PDS5A: variants seen among roughly 807,000 people sequenced by gnomAD.
PDS5A encodes the protein PDS5 cohesin associated factor A, also known as sister chromatid cohesion protein PDS5 homolog A.
In PDS5A, 42 loss-of-function variants were observed where a neutral mutation model predicts 167.1. The observed-to-expected ratio is 0.25, with a 90% confidence interval of 0.20 to 0.33. The LOEUF is 0.33. Ranked by LOEUF, PDS5A falls within the 10% of genes least tolerant of loss-of-function variation. The pLI, the probability that PDS5A is intolerant of heterozygous loss-of-function variation, is 1.00. For missense variants in PDS5A, 1,033 were observed against 1,605.9 expected (o/e 0.64, Z 6.10); for synonymous variants, 553 against 554.6 (o/e 1.00, Z 0.04).
intron 32 of PDS5A, 94 bp from the exon 33 acceptor site, chr4:39,825,582 ATC>A: frequency 1.0e-6 from 1 of 987,574 alleles, no homozygotes; most frequent in Non-Finnish European, 1.5e-6. Context: ...GTTATCTAAA[ATC>A]TTTTTTTTTT....
At chr4:39,963,292 TTAAAA>T (rs1243723321) in intron 2 of PDS5A, among the ~76,000 whole-genome samples, 1 of 151,838 alleles carries the variant, frequency 6.6e-6, no homozygotes, top group Non-Finnish European at 1.5e-5. Flanking sequence ...TCCATCTGTA[TTAAAA>T]TAACAAAAAA....
At chr4:39,950,085 T>G (rs1728205092) in intron 2 of PDS5A, among the ~76,000 whole-genome samples, 2 of 151,920 alleles carry the variant, frequency 1.3e-5, no homozygotes, top group African/African-American at 2.4e-5. Flanking sequence ...TTCTATGTTT[T>G]TAGTAGAGAT....
chr4:39,867,731 AAAACACACACAC>A (rs1560439770), intron 22 of PDS5A, among the ~76,000 whole-genome samples: 2 of 67,376 alleles, frequency 3.0e-5, no homozygotes, highest in South Asian at 5.6e-4. Context: ...TAAAAAAACC[AAAACACACACAC>A]ACACACACAC....
intron 11 of PDS5A, among the ~76,000 whole-genome samples, chr4:39,906,404 G>C (rs1388178335): frequency 1.3e-5 from 2 of 151,896 alleles, no homozygotes; most frequent in Non-Finnish European, 2.9e-5. Context: ...CACCGTAAGT[G>C]AACTTCCTTA....
In PDS5A at chr4:39,922,736, A is replaced by G. The variant is rs1375460246; in HGVS notation, c.540T>C (p.Asn180=). The change falls in exon 6 of 33, where the codon AAT becomes AAC. Residue 180 remains asparagine (N), a synonymous_variant. Coordinates refer to ENST00000303538, the MANE Select transcript of PDS5A (RefSeq NM_001100399.2). The part of the protein sequence containing the change: ...TLFSVINNSH[N]KKVQMHMLDL... ...CTAGCATGTGCATTTGTACCTTCTTATTGTGGCTATTGCTATAAAAAAAAA... is the reference window on the plus strand; with the variant it reads ...CTAGCATGTGCATTTGTACCTTCTTGTTGTGGCTATTGCTATAAAAAAAAA... The G allele has an allele frequency of 6.8e-7, 1 of 1,464,636 alleles. No homozygotes were observed. The highest frequency in any genetic ancestry group is 1.4e-5 in the South Asian group (1 of 69,956). 90.7% of individuals were successfully genotyped at this position (1,464,636 alleles called of 1,614,324 possible).
chr4:39,953,559 T>G (rs1183861130), intron 2 of PDS5A, among the ~76,000 whole-genome samples: 1 of 151,856 alleles, frequency 6.6e-6, no homozygotes, highest in Non-Finnish European at 1.5e-5. Context: ...AGTGAGACCT[T>G]GTCTCTACTA....
At chr4:39,825,888 G>A (rs1036326881) in intron 32 of PDS5A, among the ~76,000 whole-genome samples, 1 of 152,110 alleles carries the variant, frequency 6.6e-6, no homozygotes, top group Non-Finnish European at 1.5e-5. Flanking sequence ...TTACAGGCAT[G>A]AGTCACTGTG....
intron 32 of PDS5A, among the ~76,000 whole-genome samples, chr4:39,834,223 C>A (rs1022971719): frequency 8.0e-5 from 12 of 150,086 alleles, no homozygotes; most frequent in Admixed American, 8.0e-4. Context: ...GTCAAAGTGG[C>A]CAAGTGGTCC....
At chr4:39,859,294 A>G (rs933544075) in intron 26 of PDS5A, among the ~76,000 whole-genome samples, 2 of 152,132 alleles carry the variant, frequency 1.3e-5, no homozygotes, top group African/African-American at 4.8e-5. Flanking sequence ...CAAACAAACA[A>G]AAAAAACCAG....
intron 21 of PDS5A, among the ~76,000 whole-genome samples, chr4:39,871,442 C>T (rs780050127): frequency 5.3e-5 from 8 of 152,128 alleles, no homozygotes; most frequent in Non-Finnish European, 1.2e-4. Context: ...ACTTAGGCCA[C>T]GTTCTTCTCT....
rs777934381 is a variant in PDS5A, at chr4:39,920,408, T to C, written c.655-9A>G. 26 of 1,315,896 alleles carry C rather than the reference T, an allele frequency of 2.0e-5. No individual in the cohort carries two copies. In the South Asian group the frequency reaches 3.1e-4, roughly 16 times the overall value. The allele number at this position is 1,315,896 out of a possible 1,614,324, so 81.5% of individuals were successfully genotyped here. A position where few individuals can be genotyped will look rare whatever the true frequency, so the allele number is the denominator to read the frequency against. On this transcript the variant is annotated splice_polypyrimidine_tract_variant and intron_variant, in intron 6 of 32. Transcript: ENST00000303538. ...GACTGTTTATTTAAGTTCTGAAAAA[T>C]AATAAAAACATGGAAAGTTACAAAT...
intron 9 of PDS5A, 37 bp from the exon 10 acceptor site, chr4:39,910,375 G>T: frequency 9.9e-7 from 1 of 1,011,788 alleles, no homozygotes; most frequent in Non-Finnish European, 1.5e-6. Context: ...TAATTGTAAG[G>T]CAAAATAATC....
chr4:39,872,619 C>G (rs1014137510), intron 21 of PDS5A, among the ~76,000 whole-genome samples: 5 of 152,126 alleles, frequency 3.3e-5, no homozygotes, highest in African/African-American at 4.8e-5. Flanking sequence ...CCACTGCATT[C>G]CAGCCTGAGG....
intron 16 of PDS5A, among the ~76,000 whole-genome samples, chr4:39,892,286 T>A (rs940560182): frequency 1.3e-5 from 2 of 152,150 alleles, no homozygotes; most frequent in African/African-American, 2.4e-5. Context: ...TTGTCTTCTC[T>A]TTCATTTCTT....
chr4:39,831,927 C>G (rs902399314), intron 32 of PDS5A, among the ~76,000 whole-genome samples: 1 of 137,522 alleles, frequency 7.3e-6, no homozygotes, highest in Non-Finnish European at 1.5e-5. Context: ...TCTGGCTGCC[C>G]AACACGGTGA....
intron 17 of PDS5A, among the ~76,000 whole-genome samples, chr4:39,886,667 C>T (rs996842018): frequency 1.3e-5 from 2 of 151,488 alleles, no homozygotes; most frequent in Non-Finnish European, 2.9e-5. Flanking sequence ...GAGCCAAGAT[C>T]GCGCCATTGC....
At chr4:39,859,415 G>C (rs1718800937) in intron 26 of PDS5A, among the ~76,000 whole-genome samples, 1 of 152,010 alleles carries the variant, frequency 6.6e-6, no homozygotes, top group Non-Finnish European at 1.5e-5. Context: ...CAAGTAGCTG[G>C]GATTACAGGT....
At chr4:39,841,554 C>T (rs1403583842) in intron 31 of PDS5A, among the ~76,000 whole-genome samples, 4 of 148,724 alleles carry the variant, frequency 2.7e-5, no homozygotes, top group Admixed American at 1.3e-4. Context: ...CCTCTGTCAC[C>T]CAGGCTTGAG....
At chr4:39,925,377 T>C (rs1244091662) in intron 5 of PDS5A, among the ~76,000 whole-genome samples, 1 of 152,166 alleles carries the variant, frequency 6.6e-6, no homozygotes, top group Non-Finnish European at 1.5e-5. Context: ...TAAGAAGTTG[T>C]CAAAGTTAGT....
Sources: allele counts gnomAD v4.1 joint callset (sites outside exome capture counted in the v4.1 genomes callset), GRCh38; gene constraint gnomAD v4.1.1; transcripts MANE v1.5; gene names NCBI Gene and HGNC (gene_info 2026-07-23, HGNC 2026-07-21).